ZNF626: variants seen among roughly 807,000 people sequenced by gnomAD.
ZNF626 encodes zinc finger protein 626, also known as CTC-513N18.7.
Under a neutral mutation model 11.7 loss-of-function variants are expected in ZNF626, and 4 were observed. The ratio of observed to expected loss-of-function variants is 0.34; its 90% CI spans 0.17 to 0.78. The LOEUF (loss-of-function observed/expected upper bound fraction) is 0.78, where lower values mean the gene tolerates loss of function less well. Ranked by LOEUF, ZNF626 falls within the 30% of genes least tolerant of loss-of-function variation. The pLI is 0.57. For missense variants in ZNF626, 588 were observed against 587.1 expected, an observed-to-expected ratio of 1.00 and a Z score of -0.01; for synonymous variants, 179 against 198.6, an observed-to-expected ratio of 0.90 and a Z score of 0.83.
chr19:20,627,314 C>A (rs536013685), intron 3 of ZNF626, among the ~76,000 whole-genome samples: 7 of 121,862 alleles, frequency 5.7e-5, no homozygotes, highest in Non-Finnish European at 8.3e-5. Context: ...GTAATGTAGG[C>A]AGATGTAATG....
rs1332443470 is a variant in ZNF626 at position 20,646,268 on chromosome 19, G to GT, written c.130+10dup. 2 of 1,612,108 alleles carry GT rather than the reference G, an allele frequency of 1.2e-6. No homozygotes were observed. Among genetic ancestry groups the GT allele is most frequent in the African/African-American group, 2.7e-5 (2 of 74,820 alleles). ...TCTATAGGGTATATTATGTACTCAA[G>GT]TTATCCTCACCAAGGAAGACCAGGT... is the stretch of plus-strand genomic sequence containing the variant. On this transcript the variant is annotated intron_variant, in intron 2 of 3. Coordinates refer to ENST00000601440, the MANE Select transcript of ZNF626 (RefSeq NM_001076675.3).
chr19:20,657,573 G>A (rs1970218241), intron 1 of ZNF626, among the ~76,000 whole-genome samples: 1 of 152,050 alleles, frequency 6.6e-6, no homozygotes, highest in African/African-American at 2.4e-5. Flanking sequence ...TTGGGAGGCC[G>A]AGGTGGGATA....
In ZNF626 at chr19:20,622,473, A is replaced by G. The variant is rs1305567506; in HGVS notation, c.*1817T>C. 1.3e-5 allele frequency: 2 copies of G among 152,174 alleles called. No homozygotes were observed. The highest frequency in any genetic ancestry group is 1.9e-4 in the East Asian group (1 of 5,198). 9.4% of individuals were successfully genotyped at this position (152,174 alleles called of 1,614,324 possible). On this transcript the variant is annotated 3_prime_UTR_variant, in exon 4 of 4. Coordinates refer to ENST00000601440, the MANE Select transcript of ZNF626 (RefSeq NM_001076675.3). ...CTTACTGTTTTATAGAAAAGGTCAT[A>G]AAGAATGCCCAACTCATAAAGAATC...
intron 1 of ZNF626, among the ~76,000 whole-genome samples, chr19:20,659,298 G>A (rs1470814231): frequency 1.3e-5 from 2 of 151,466 alleles, no homozygotes; most frequent in African/African-American, 4.9e-5. Context: ...GGAGTGCCTT[G>A]GCACCGTCTC....
At chr19:20,635,782 T>G (rs1199744762) in intron 3 of ZNF626, among the ~76,000 whole-genome samples, 12 of 152,016 alleles carry the variant, frequency 7.9e-5, no homozygotes, top group Admixed American at 6.6e-4. Flanking sequence ...GATTCAAAAA[T>G]AAATAGACGC....
Position 20,654,650 on chromosome 19 carries a change from A to G in ZNF626, c.3+6794T>C, listed in dbSNP as rs1159199629. Among the ~76,000 whole-genome samples, 3 of 152,206 alleles carry G rather than the reference A, an allele frequency of 2.0e-5. No individual in the cohort carries two copies. In the East Asian group the frequency reaches 5.8e-4, roughly 29 times the overall value. ...CATGAACCCGGGAGGCGGAGCTTGC[A>G]GTGAGCCAAGATGGTGACACTCCAG... On this transcript the variant is annotated intron_variant, in intron 1 of 3. Transcript: ENST00000601440.
intron 1 of ZNF626, among the ~76,000 whole-genome samples, chr19:20,647,484 GTTTTTTTTTTTT>G (rs71174723): frequency 2.4e-5 from 3 of 122,808 alleles, no homozygotes; most frequent in Non-Finnish European, 3.3e-5. Context: ...TAGGACAATG[GTTTTTTTTTTTT>G]TTTTTTTTGA....
chr19:20,640,354 A>G (rs1256251590), intron 3 of ZNF626, among the ~76,000 whole-genome samples: 3 of 150,930 alleles, frequency 2.0e-5, no homozygotes, highest in East Asian at 1.9e-4. Context: ...GTTTGGCACA[A>G]TTTTCTTAGA....
rs549496741 is a variant in ZNF626 at position 20,633,081 on chromosome 19, C to T, written c.227-7431G>A. On this transcript the variant is annotated intron_variant, in intron 3 of 3. Coordinates refer to ENST00000601440, the MANE Select transcript of ZNF626 (RefSeq NM_001076675.3). Reference sequence around the variant, plus strand: ...ACACTGTTTGCCTGGGTATCAGCAGCGGTGGCTGCAGAACAGCGGATTTTG... The same window carrying T: ...ACACTGTTTGCCTGGGTATCAGCAGTGGTGGCTGCAGAACAGCGGATTTTG... Among the ~76,000 whole-genome samples the T allele has an allele frequency of 3.2e-4, 48 of 152,236 alleles. 1 individual carries two copies. The South Asian group carries it at 7.3e-3, about 23-fold the overall frequency.
chr19:20,624,088 T>C lies in ZNF626; in HGVS notation c.*202A>G, dbSNP rs782256925. On this transcript the variant is annotated 3_prime_UTR_variant, in exon 4 of 4. Coordinates refer to ENST00000601440, the MANE Select transcript of ZNF626 (RefSeq NM_001076675.3). ...GGATAGGTGAAAAGCTTTACCACAT[T>C]ATTCACATCTGTAGGGTTTCTCTCC... 2.2e-6 allele frequency: 2 copies of C among 902,826 alleles called. No homozygotes were observed. The highest frequency in any genetic ancestry group is 2.4e-5 in the East Asian group (1 of 41,226). The allele number at this position is 902,826 out of a possible 1,614,324, so 55.9% of individuals were successfully genotyped here. A position where few individuals can be genotyped will look rare whatever the true frequency, so the allele number is the denominator to read the frequency against.
intron 3 of ZNF626, among the ~76,000 whole-genome samples, chr19:20,629,817 T>C (rs1969882634): frequency 6.6e-6 from 1 of 152,118 alleles, no homozygotes; most frequent in Non-Finnish European, 1.5e-5. Flanking sequence ...AACACTATGT[T>C]GAATAGGAGT....
chr19:20,640,879 G>A (rs558588371), intron 3 of ZNF626, among the ~76,000 whole-genome samples: 2 of 152,140 alleles, frequency 1.3e-5, no homozygotes, highest in South Asian at 4.2e-4. Flanking sequence ...AGGCACAGTG[G>A]CTCAAGCCCG....
intron 1 of ZNF626, among the ~76,000 whole-genome samples, chr19:20,646,857 T>A (rs1238270978): frequency 6.6e-6 from 1 of 152,148 alleles, no homozygotes; most frequent in Non-Finnish European, 1.5e-5. Flanking sequence ...TATTTATTTA[T>A]TTATTTAGAG....
chr19:20,634,246 A>G (rs1398067458), intron 3 of ZNF626, among the ~76,000 whole-genome samples: 1 of 152,236 alleles, frequency 6.6e-6, no homozygotes, highest in African/African-American at 2.4e-5. Flanking sequence ...TTTCTGTAAT[A>G]AAACAAGAGA....
chr19:20,652,771 T>C (rs1180741418), intron 1 of ZNF626, among the ~76,000 whole-genome samples: 2 of 152,178 alleles, frequency 1.3e-5, no homozygotes, highest in African/African-American at 4.8e-5. Context: ...ATTCAAAATA[T>C]GGAGCTGCAG....
intron 1 of ZNF626, among the ~76,000 whole-genome samples, chr19:20,650,530 G>T (rs782537911): frequency 6.6e-5 from 10 of 152,070 alleles, no homozygotes; most frequent in Non-Finnish European, 1.0e-4. Flanking sequence ...CTAAGCACCA[G>T]CTCTAGAAAG....
chr19:20,643,791 A>G (rs1970047343), intron 3 of ZNF626, among the ~76,000 whole-genome samples: 1 of 152,222 alleles, frequency 6.6e-6, no homozygotes, highest in Admixed American at 6.5e-5. Context: ...TTTTGAGACC[A>G]GCCTTGGTTA....
At chr19:20,646,245 T>A (rs782127348) in intron 2 of ZNF626, 34 bp downstream of exon 2, 15 of 1,561,674 alleles carry the variant, frequency 9.6e-6, no homozygotes, top group Middle Eastern at 1.7e-4. Flanking sequence ...AAATAAAATC[T>A]ATAGGGTATA....
Position 20,645,680 on chromosome 19 carries a change from C to G in ZNF626, c.226+4G>C. 1 of 1,607,946 alleles carries G rather than the reference C, an allele frequency of 6.2e-7. No homozygotes were observed. The highest frequency in any genetic ancestry group is 8.5e-7 in the Non-Finnish European group (1 of 1,178,670). The stretch of plus-strand genomic sequence containing the variant: ...CTGTTGTATTCATTTTCACTCACAC[C>G]TACCTGAGGGTTTGGCTATCATCTC... On this transcript the variant is annotated splice_donor_region_variant and intron_variant, in intron 3 of 3. Coordinates refer to ENST00000601440, the MANE Select transcript of ZNF626 (RefSeq NM_001076675.3).
Sources: gnomAD v4.1 joint callset for allele counts (sites outside exome capture counted in the v4.1 genomes callset) on GRCh38, gnomAD v4.1.1 for gene constraint, MANE v1.5 for transcripts, NCBI Gene and HGNC (gene_info 2026-07-23, HGNC 2026-07-21) for gene names.